The following PROX1 variants were observed in gnomAD, a reference collection of about 807,000 sequenced individuals.
The protein encoded by PROX1 is prospero homeobox protein 1.
In PROX1, 7 loss-of-function variants were observed where a neutral mutation model predicts 58.8. The observed-to-expected ratio is 0.12, with a 90% CI of 0.07 to 0.22. The LOEUF is 0.22. Ranked by LOEUF, PROX1 falls within the 10% of genes least tolerant of loss-of-function variation. The pLI, the probability that PROX1 is intolerant of heterozygous loss-of-function variation, is 1.00. For missense variants in PROX1, 675 were observed against 927.8 expected, an observed-to-expected ratio of 0.73 and a Z score of 3.54; for synonymous variants, 350 against 358.3, an observed-to-expected ratio of 0.98 and a Z score of 0.26.
chr1:214,023,718 T>C (rs1664361315), intron 4 of PROX1, among the ~76,000 whole-genome samples: 1 of 152,186 alleles, frequency 6.6e-6, no homozygotes, highest in African/African-American at 2.4e-5. Flanking sequence ...ATACAAGCCA[T>C]TTGGATATGT....
Position 214,005,289 on chromosome 1 carries a change from T to C in PROX1, c.1833+17T>C. 1.9e-6 allele frequency: 3 copies of C among 1,571,192 alleles called. No individual in the cohort carries two copies. Among genetic ancestry groups the C allele is most frequent in the Non-Finnish European group, 2.6e-6 (3 of 1,147,324 alleles). On this transcript the variant is annotated intron_variant, in intron 3 of 4. Transcript: ENST00000366958. Reference sequence around the variant, plus strand: ...GACGTAAAGGTAGGGACTTTTTTTATTCTTAATTTTTTCATTTTCTATGCA... The same window carrying C: ...GACGTAAAGGTAGGGACTTTTTTTACTCTTAATTTTTTCATTTTCTATGCA...
upstream of PROX1, chr1:213,985,477 T>A (rs1662801773): frequency 6.6e-6 from 1 of 152,172 alleles, no homozygotes; most frequent in South Asian, 2.1e-4. Context: ...TCGCCTAGCG[T>A]GGCGCGCGCT....
chr1:213,988,517 C>T (rs1662896414), intron 1 of PROX1, 34 bp downstream of exon 1: 1 of 152,504 alleles, frequency 6.6e-6, no homozygotes, highest in South Asian at 2.1e-4. Context: ...GTGAGTCCCT[C>T]CCCTTTTCCA....
chr1:214,035,677 A>G lies in PROX1; in HGVS notation c.2057A>G (p.Gln686Arg), dbSNP rs1424576899. Residue 686 changes from glutamine to arginine, a missense_variant, in exon 5 of 5, where the codon CAG becomes CGG. Gln to Arg is a conservative substitution (Grantham distance 43). Coordinates refer to ENST00000366958, the MANE Select transcript of PROX1 (RefSeq NM_001270616.2). ...EVPERFLEVAQITLREFFNAI... is the reference protein window; with the variant it reads ...EVPERFLEVARITLREFFNAI... ...CCAGAGAGATTCCTGGAAGTTGCTC[A>G]GATCACATTACGGGAGTTTTTCAAT... The G allele has an allele frequency of 1.2e-6, 2 of 1,613,660 alleles. No homozygotes were observed. The highest frequency in any genetic ancestry group is 8.5e-7 in the Non-Finnish European group (1 of 1,179,776).
At chr1:213,989,840 T>C (rs1167575323) in intron 1 of PROX1, 1 of 152,296 alleles carries the variant, frequency 6.6e-6, no homozygotes, top group Non-Finnish European at 1.5e-5. Context: ...CTTGGGAAAT[T>C]GAGAGCCCTC....
In PROX1 at chr1:214,014,612, G is replaced by T. The variant is rs140812899; in HGVS notation, c.2028+2897G>T. On this transcript the variant is annotated intron_variant, in intron 4 of 4. Transcript: ENST00000366958. The stretch of plus-strand genomic sequence containing the variant: ...TACCAAAATAGGGCTTATTTAATGT[G>T]GGTAATAATAATGACAGTGATACCA... 5.2e-3 allele frequency among the ~76,000 whole-genome samples: 789 copies of T among 152,268 alleles called. 6 individuals are homozygous for T. The highest frequency in any genetic ancestry group is 7.1e-3 in the Non-Finnish European group (480 of 68,020).
rs749413748 is a variant in PROX1, at chr1:214,035,884, G to T, written c.*50G>T. ...GTATGAAGAGTAGCAGTCCCCTTTG[G>T]ATGTCCAAGTTATATGTGTCTAGAT... On this transcript the variant is annotated 3_prime_UTR_variant, in exon 5 of 5. Transcript: ENST00000366958. The T allele has an allele frequency of 6.6e-7, 1 of 1,511,308 alleles. No homozygotes were observed. The highest frequency in any genetic ancestry group is 1.9e-5 in the Admixed American group (1 of 51,630). The allele number at this position is 1,511,308 out of a possible 1,614,324, so 93.6% of individuals were successfully genotyped here. A position where few individuals can be genotyped will look rare whatever the true frequency, so the allele number is the denominator to read the frequency against.
intron 4 of PROX1, among the ~76,000 whole-genome samples, chr1:214,033,386 T>C (rs112510626): frequency 0.025 from 3,756 of 152,164 alleles, 168 homozygotes; most frequent in African/African-American, 0.087. Flanking sequence ...TCACCTGAGG[T>C]TGGGAGTTGG....
chr1:213,984,421 T>G (rs1662774550), upstream of PROX1: 1 of 152,244 alleles, frequency 6.6e-6, no homozygotes, highest in African/African-American at 2.4e-5. Flanking sequence ...TTCAACTTCT[T>G]TGGAGTGATT....
chr1:214,013,553 C>T (rs1487562607), intron 4 of PROX1, among the ~76,000 whole-genome samples: 1 of 131,818 alleles, frequency 7.6e-6, no homozygotes. Flanking sequence ...AGGACAAGTC[C>T]TTAAAGTGCG....
At chr1:214,009,500 A>G (rs764449783) in intron 3 of PROX1, among the ~76,000 whole-genome samples, 3 of 152,172 alleles carry the variant, frequency 2.0e-5, no homozygotes, top group Non-Finnish European at 4.4e-5. Flanking sequence ...CTAAAACTGA[A>G]CAAATTTTAG....
At position 214,040,139 on chromosome 1, in the gene PROX1, A is replaced by C. The variant is rs1558194469; in HGVS notation, c.*4305A>C. On this transcript the variant is annotated 3_prime_UTR_variant, in exon 5 of 5. Transcript: ENST00000366958. ...TATGAGTAAGCAGTTACCGTATTGC[A>C]CTTAAATGTTATGTTGAAGGAAATG... is the stretch of plus-strand genomic sequence containing the variant. The C allele has an allele frequency of 6.6e-6, 1 of 152,212 alleles. No homozygotes were observed. The highest frequency in any genetic ancestry group is 1.5e-5 in the Non-Finnish European group (1 of 68,036). 9.4% of individuals were successfully genotyped at this position (152,212 alleles called of 1,614,324 possible).
At chr1:214,033,393 T>C (rs1197988383) in intron 4 of PROX1, among the ~76,000 whole-genome samples, 1 of 151,942 alleles carries the variant, frequency 6.6e-6, no homozygotes, top group African/African-American at 2.4e-5. Flanking sequence ...AGGTTGGGAG[T>C]TGGAGACCAG....
chr1:214,031,923 C>T (rs1490575792), intron 4 of PROX1, among the ~76,000 whole-genome samples: 1 of 152,200 alleles, frequency 6.6e-6, no homozygotes, highest in African/African-American at 2.4e-5. Context: ...CCACCAAACA[C>T]ATGAGTTGCT....
rs1025242422 is a variant in PROX1 at position 214,040,879 on chromosome 1, A to G, written c.*5045A>G. On this transcript the variant is annotated 3_prime_UTR_variant, in exon 5 of 5. Transcript: ENST00000366958. ...CTAATTTATTTGATGAAGGTGTACA[A>G]TTTTGTATTACCAAGGATGTACTGT... 1 of 152,076 alleles carries G rather than the reference A, an allele frequency of 6.6e-6. No individual in the cohort carries two copies. Among genetic ancestry groups the G allele is most frequent in the Non-Finnish European group, 1.5e-5 (1 of 67,982 alleles). The allele number at this position is 152,076 out of a possible 1,614,324, so 9.4% of individuals were successfully genotyped here. A position where few individuals can be genotyped will look rare whatever the true frequency, so the allele number is the denominator to read the frequency against.
rs1472002142 is a variant in PROX1, at chr1:214,038,773, C to T, written c.*2939C>T. ...CCAATTACTACAGCTGCAATAAACA[C>T]TAGATTTTTTTTCTGGCTGTTTGAC... On this transcript the variant is annotated 3_prime_UTR_variant, in exon 5 of 5. Transcript: ENST00000366958. The T allele has an allele frequency of 6.6e-6, 1 of 152,114 alleles. No homozygotes were observed. The highest frequency in any genetic ancestry group is 1.5e-5 in the Non-Finnish European group (1 of 68,026). The allele number at this position is 152,114 out of a possible 1,614,324, so 9.4% of individuals were successfully genotyped here. A position where few individuals can be genotyped will look rare whatever the true frequency, so the allele number is the denominator to read the frequency against.
At chr1:214,024,778 A>C (rs1664396727) in intron 4 of PROX1, among the ~76,000 whole-genome samples, 1 of 152,226 alleles carries the variant, frequency 6.6e-6, no homozygotes, top group South Asian at 2.1e-4. Context: ...TCTGTGCCCC[A>C]GCTTCCCTTC....
At chr1:214,014,188 G>A (rs1007925412) in intron 4 of PROX1, among the ~76,000 whole-genome samples, 2 of 152,154 alleles carry the variant, frequency 1.3e-5, no homozygotes, top group Non-Finnish European at 2.9e-5. Context: ...TGTGGGCCGT[G>A]GCTGAGAGCC....
At chr1:214,015,720 C>CTG (rs1664071102) in intron 4 of PROX1, among the ~76,000 whole-genome samples, 1 of 151,994 alleles carries the variant, frequency 6.6e-6, no homozygotes, top group Non-Finnish European at 1.5e-5. Context: ...CAGAATCATC[C>CTG]AAAGGTTGGA....
Sources: allele counts gnomAD v4.1 joint callset (sites outside exome capture counted in the v4.1 genomes callset), GRCh38; gene constraint gnomAD v4.1.1; transcripts MANE v1.5; gene names NCBI Gene and HGNC (gene_info 2026-07-23, HGNC 2026-07-21).